The following COL21A1 variants were observed in gnomAD, a reference collection of about 807,000 sequenced individuals.
COL21A1 encodes collagen type XXI alpha 1 chain.
COL21A1 carries 149 observed loss-of-function variants against 137.9 expected under a neutral mutation model. The observed-to-expected ratio is 1.08, with a 90% CI of 0.95 to 1.24. The LOEUF (loss-of-function observed/expected upper bound fraction) is 1.24. COL21A1 is among the 50% of genes most tolerant of loss of function. COL21A1 has a pLI of 0.00. For synonymous variants in COL21A1, 456 were observed against 391.5 expected (o/e 1.16, Z -1.95); for missense variants, 1,167 against 1,158.4 (o/e 1.01, Z -0.11).
chr6:56,187,670 A>C (rs1778387060), intron 1 of COL21A1, among the ~76,000 whole-genome samples: 2 of 152,240 alleles, frequency 1.3e-5, no homozygotes. Flanking sequence ...CTCATTTCAC[A>C]TAAGAAAATT....
chr6:56,390,341 C>T (rs900000159), intron 1 of COL21A1, among the ~76,000 whole-genome samples: 1 of 152,030 alleles, frequency 6.6e-6, no homozygotes, highest in Non-Finnish European at 1.5e-5. Context: ...AACAGAGACA[C>T]ACATACAAAA....
At chr6:56,169,644 G>A (rs766872860) in intron 5 of COL21A1, among the ~76,000 whole-genome samples, 11 of 151,626 alleles carry the variant, frequency 7.3e-5, no homozygotes, top group East Asian at 5.8e-4. Flanking sequence ...TATTTAATGC[G>A]CCCTTATATT....
upstream of COL21A1, among the ~76,000 whole-genome samples, chr6:56,251,108 A>G (rs1782842183): frequency 6.6e-6 from 1 of 152,212 alleles, no homozygotes; most frequent in African/African-American, 2.4e-5. Flanking sequence ...AATGCAGGCT[A>G]TCAAGATAGA....
intron 1 of COL21A1, among the ~76,000 whole-genome samples, chr6:56,222,028 T>A (rs1018667264): frequency 2.0e-5 from 3 of 152,092 alleles, no homozygotes; most frequent in African/African-American, 4.8e-5. Context: ...ATCCCAGCAC[T>A]TTGGGAGGCC....
At chr6:56,059,297 TG>T in intron 28 of COL21A1, 55 bp from the exon 29 acceptor site, 1 of 1,238,432 alleles carries the variant, frequency 8.1e-7, no homozygotes, top group South Asian at 1.5e-5. Flanking sequence ...CCTTCTAGAT[TG>T]TTTCATTCAA....
At chr6:56,060,693 C>CT (rs1175303602) in intron 27 of COL21A1, 48 bp downstream of exon 27, 1 of 1,477,254 alleles carries the variant, frequency 6.8e-7, no homozygotes, top group Non-Finnish European at 9.2e-7. Flanking sequence ...ATTTGTATTA[C>CT]TTTTGTAATT....
chr6:56,180,212 T>C, intron 2 of COL21A1, 83 bp from the exon 3 acceptor site: 1 of 959,230 alleles, frequency 1.0e-6, no homozygotes, highest in East Asian at 2.6e-5. Context: ...GAGTTTCAGC[T>C]ATACACTAAT....
chr6:56,165,441 A>G (rs770261906), intron 7 of COL21A1, among the ~76,000 whole-genome samples: 34 of 152,226 alleles, frequency 2.2e-4, no homozygotes, highest in African/African-American at 7.7e-4. Context: ...AAAATCAGCT[A>G]TCTAAAGCTG....
In COL21A1 at chr6:56,135,959, C is replaced by T. The variant is rs191059900; in HGVS notation, c.1542+5826G>A. 4.1e-3 allele frequency among the ~76,000 whole-genome samples: 626 copies of T among 152,202 alleles called. 5 individuals are homozygous for T. Among genetic ancestry groups the T allele is most frequent in the Middle Eastern group, 0.031 (9 of 294 alleles). On this transcript the variant is annotated intron_variant, in intron 12 of 29. Coordinates refer to ENST00000244728, the MANE Select transcript of COL21A1 (RefSeq NM_030820.4). Reference sequence around the variant, plus strand: ...GAAACAATTCATCCTTAACTCATTCCTATTTTTTTCTCGGTACAACTACTA... The same window carrying T: ...GAAACAATTCATCCTTAACTCATTCTTATTTTTTTCTCGGTACAACTACTA...
chr6:56,315,095 A>T (rs1192508888), intron 1 of COL21A1, among the ~76,000 whole-genome samples: 1 of 152,260 alleles, frequency 6.6e-6, no homozygotes, highest in Non-Finnish European at 1.5e-5. Flanking sequence ...CAAGGTAAAT[A>T]CATGAATGTA....
intron 12 of COL21A1, among the ~76,000 whole-genome samples, chr6:56,127,770 G>A (rs1773164688): frequency 6.6e-6 from 1 of 152,210 alleles, no homozygotes; most frequent in Non-Finnish European, 1.5e-5. Context: ...GGAGCCTGGA[G>A]TGGGAGGGTA....
At chr6:56,184,896 A>G (rs1246111047) in intron 1 of COL21A1, among the ~76,000 whole-genome samples, 1 of 152,168 alleles carries the variant, frequency 6.6e-6, no homozygotes, top group Non-Finnish European at 1.5e-5. Context: ...TCATCTTTCT[A>G]TTATCTGTAG....
At chr6:56,291,865 A>C (rs535075334) in intron 1 of COL21A1, among the ~76,000 whole-genome samples, 93 of 152,298 alleles carry the variant, frequency 6.1e-4, no homozygotes, top group African/African-American at 2.1e-3. Context: ...ACCATGGTTT[A>C]TCATCTTACA....
At chr6:56,366,598 G>A (rs1766105913) in intron 1 of COL21A1, among the ~76,000 whole-genome samples, 1 of 152,204 alleles carries the variant, frequency 6.6e-6, no homozygotes. Context: ...AATAGATCTT[G>A]TGGAGCTCTG....
intron 17 of COL21A1, among the ~76,000 whole-genome samples, chr6:56,088,483 C>T (rs1344918881): frequency 6.6e-6 from 1 of 152,128 alleles, no homozygotes; most frequent in Non-Finnish European, 1.5e-5. Flanking sequence ...AGGAATTTTG[C>T]AAAAAGTACA....
intron 1 of COL21A1, among the ~76,000 whole-genome samples, chr6:56,300,947 C>G (rs956693612): frequency 1.3e-5 from 2 of 152,116 alleles, no homozygotes; most frequent in Non-Finnish European, 2.9e-5. Context: ...TTCCGACAAA[C>G]ATATTTTGAG....
At chr6:56,114,254 G>A (rs2152193804) in intron 16 of COL21A1, among the ~76,000 whole-genome samples, 1 of 152,272 alleles carries the variant, frequency 6.6e-6, no homozygotes. Flanking sequence ...GCAGACACTG[G>A]GTGAGACCCA....
At chr6:56,182,473 G>T in intron 2 of COL21A1, 58 bp downstream of exon 2, 1 of 1,165,450 alleles carries the variant, frequency 8.6e-7, no homozygotes, top group Non-Finnish European at 1.3e-6. Context: ...AACTCCCCTA[G>T]TTTAATTTCC....
At chr6:56,153,287 C>A (rs901714865) in intron 10 of COL21A1, among the ~76,000 whole-genome samples, 1 of 152,084 alleles carries the variant, frequency 6.6e-6, no homozygotes. Flanking sequence ...ATCAGCTTGA[C>A]TTCTGTCTCA....
Sources: allele counts gnomAD v4.1 joint callset (sites outside exome capture counted in the v4.1 genomes callset), GRCh38; gene constraint gnomAD v4.1.1; transcripts MANE v1.5; gene names NCBI Gene and HGNC (gene_info 2026-07-23, HGNC 2026-07-21).